Variants in CALN1 observed in about 807,000 individuals in gnomAD.
The protein encoded by CALN1 is calcium-binding protein 8.
In CALN1, 17 loss-of-function variants were observed where a neutral mutation model predicts 30.6. That is an observed-to-expected ratio of 0.56 (90% CI 0.38 to 0.83). The LOEUF (loss-of-function observed/expected upper bound fraction) is 0.83. Ranked by LOEUF, CALN1 falls within the 40% of genes least tolerant of loss-of-function variation. The pLI, the probability that CALN1 is intolerant of heterozygous loss-of-function variation, is 0.00. For synonymous variants in CALN1, 156 were observed against 131.4 expected, an observed-to-expected ratio of 1.19 and a Z score of -1.28; for missense variants, 291 against 354.9, an observed-to-expected ratio of 0.82 and a Z score of 1.45.
At chr7:71,864,519 C>A (rs532897081) in intron 5 of CALN1, among the ~76,000 whole-genome samples, 7 of 152,156 alleles carry the variant, frequency 4.6e-5, no homozygotes, top group African/African-American at 1.4e-4. Flanking sequence ...TGAATTAGAA[C>A]GAACCTGGAC....
In CALN1 at chr7:72,285,822, C is replaced by CTA. The variant is rs560422672; in HGVS notation, c.120-7014_120-7013dup. 1.2e-3 allele frequency among the ~76,000 whole-genome samples: 177 copies of CTA among 152,328 alleles called. 1 individual carries two copies. The highest frequency in any genetic ancestry group is 4.0e-3 in the African/African-American group (168 of 41,580). ...AGACTTCAATTGATTCCTGAGCTCT[C>CTA]TATAGAGTGCTAGAGAAGTACAAGG... is the stretch of plus-strand genomic sequence containing the variant. On this transcript the variant is annotated intron_variant, in intron 2 of 6. Transcript: ENST00000395275.
chr7:71,847,763 G>GAA (rs1391472959), intron 5 of CALN1, among the ~76,000 whole-genome samples: 15 of 123,402 alleles, frequency 1.2e-4, no homozygotes, highest in East Asian at 1.1e-3. Context: ...GAAGAAAGAA[G>GAA]AAGAAGAAGA....
At chr7:72,255,713 G>A (rs1248175329) in intron 3 of CALN1, among the ~76,000 whole-genome samples, 5 of 147,636 alleles carry the variant, frequency 3.4e-5, no homozygotes, top group Non-Finnish European at 7.4e-5. Flanking sequence ...ACCACACCCA[G>A]CATAGCTCAC....
intron 2 of CALN1, among the ~76,000 whole-genome samples, chr7:72,324,564 ATTTATTT>A (rs1801134153): frequency 3.3e-4 from 9 of 27,112 alleles, no homozygotes; most frequent in South Asian, 1.4e-3. Flanking sequence ...GATGTAATTT[ATTTATTT>A]ATTTATTTAT....
chr7:71,782,668 C>A lies in CALN1; in HGVS notation c.*5107G>T, dbSNP rs915262952. ...TGGAGACTGGGTCGGTAAGAGGCAG[C>A]CCAAATTCTCCTCTATGTTGCTGTC... On this transcript the variant is annotated 3_prime_UTR_variant, in exon 7 of 7. Transcript: ENST00000395275. 6.6e-6 allele frequency: 1 copy of A among 152,138 alleles called. No homozygotes were observed. The highest frequency in any genetic ancestry group is 2.4e-5 in the African/African-American group (1 of 41,438). The allele number at this position is 152,138 out of a possible 1,614,324, so 9.4% of individuals were successfully genotyped here. A position where few individuals can be genotyped will look rare whatever the true frequency, so the allele number is the denominator to read the frequency against.
chr7:72,082,339 C>T (rs1179532227), intron 4 of CALN1, among the ~76,000 whole-genome samples: 1 of 152,140 alleles, frequency 6.6e-6, no homozygotes, highest in Non-Finnish European at 1.5e-5. Flanking sequence ...AATGCCGCAG[C>T]GGAACAGCAT....
intron 5 of CALN1, among the ~76,000 whole-genome samples, chr7:72,019,728 C>T (rs1399773207): frequency 6.6e-6 from 1 of 152,180 alleles, no homozygotes; most frequent in Non-Finnish European, 1.5e-5. Flanking sequence ...ATCTTGGCTG[C>T]AACTGGATTA....
chr7:72,149,816 A>G (rs1787082334), intron 3 of CALN1, among the ~76,000 whole-genome samples: 2 of 152,132 alleles, frequency 1.3e-5, no homozygotes, highest in African/African-American at 2.4e-5. Context: ...GCACTGCTAT[A>G]GGAGTTACCA....
At chr7:72,417,039 G>A (rs1291701396), upstream of CALN1, among the ~76,000 whole-genome samples, 3 of 152,206 alleles carry the variant, frequency 2.0e-5, no homozygotes, top group African/African-American at 2.4e-5. Flanking sequence ...CAGCTTCCCC[G>A]GGATTCCCAT....
intron 5 of CALN1, among the ~76,000 whole-genome samples, chr7:71,847,725 GA>G (rs986075138): frequency 1.0e-5 from 1 of 95,798 alleles, no homozygotes; most frequent in Admixed American, 1.1e-4. Context: ...GAAAGAAGAA[GA>G]AAGAAGAAAG....
chr7:72,243,099 G>C (rs1317374736), intron 3 of CALN1, among the ~76,000 whole-genome samples: 1 of 152,148 alleles, frequency 6.6e-6, no homozygotes, highest in Non-Finnish European at 1.5e-5. Context: ...TTCCCAATGT[G>C]ATGATATTTG....
At chr7:72,119,473 G>A (rs1329878902) in intron 3 of CALN1, among the ~76,000 whole-genome samples, 4 of 150,660 alleles carry the variant, frequency 2.7e-5, no homozygotes, top group African/African-American at 9.8e-5. Flanking sequence ...TTTGAGTGAG[G>A]ACAAAACCAA....
At chr7:72,054,229 C>T (rs919465819) in intron 4 of CALN1, among the ~76,000 whole-genome samples, 14 of 151,732 alleles carry the variant, frequency 9.2e-5, no homozygotes, top group African/African-American at 3.1e-4. Context: ...CACTGTTTTC[C>T]GTAGCGGCTG....
chr7:72,243,167 C>T (rs936940216), intron 3 of CALN1, among the ~76,000 whole-genome samples: 21 of 152,140 alleles, frequency 1.4e-4, no homozygotes, highest in Non-Finnish European at 2.9e-4. Flanking sequence ...GAGGAGCCCC[C>T]GTGATGGTAT....
chr7:71,792,763 T>C (rs934044510), intron 6 of CALN1, among the ~76,000 whole-genome samples: 1 of 152,144 alleles, frequency 6.6e-6, no homozygotes, highest in African/African-American at 2.4e-5. Flanking sequence ...GCAGCCCTTT[T>C]CCATTCCATC....
chr7:72,068,637 G>A (rs1206184774), intron 4 of CALN1, among the ~76,000 whole-genome samples: 1 of 152,222 alleles, frequency 6.6e-6, no homozygotes, highest in African/African-American at 2.4e-5. Context: ...ACAGACGCCC[G>A]CCACCATGCC....
At chr7:71,960,512 CT>C (rs1797196771) in intron 5 of CALN1, among the ~76,000 whole-genome samples, 1 of 152,182 alleles carries the variant, frequency 6.6e-6, no homozygotes, top group Non-Finnish European at 1.5e-5. Context: ...TGATTGCATT[CT>C]TTTTTATGGC....
At chr7:72,177,213 G>A (rs1007380302) in intron 3 of CALN1, among the ~76,000 whole-genome samples, 3 of 152,126 alleles carry the variant, frequency 2.0e-5, no homozygotes, top group Non-Finnish European at 4.4e-5. Flanking sequence ...TGTCTCCCCT[G>A]CTGCAACTGT....
At chr7:72,477,945 G>A in the CALN1 span, among the ~76,000 whole-genome samples, 10 of 152,032 alleles carry the variant, frequency 6.6e-5, no homozygotes, top group Admixed American at 4.6e-4. Flanking sequence ...TTCGTATCAC[G>A]CTTTTCTGAC....
Sources: allele counts gnomAD v4.1 joint callset (sites outside exome capture counted in the v4.1 genomes callset), GRCh38; gene constraint gnomAD v4.1.1; transcripts MANE v1.5; gene names NCBI Gene and HGNC (gene_info 2026-07-23, HGNC 2026-07-21).